MTA3: variants seen among roughly 807,000 people sequenced by gnomAD.
MTA3 encodes the protein metastasis associated 1 family member 3.
In MTA3, 34 loss-of-function variants were observed where a neutral mutation model predicts 83.5. The observed-to-expected ratio is 0.41, with a 90% CI of 0.31 to 0.54. The LOEUF (loss-of-function observed/expected upper bound fraction) is 0.54. Ranked by LOEUF, MTA3 falls within the 20% of genes least tolerant of loss-of-function variation. The pLI, the probability that MTA3 is intolerant of heterozygous loss-of-function variation, is 0.33. For missense variants in MTA3, 761 were observed against 726.4 expected, an observed-to-expected ratio of 1.05 and a Z score of -0.55; for synonymous variants, 303 against 252.7, an observed-to-expected ratio of 1.20 and a Z score of -1.89.
chr2:42,740,450 C>T (rs889290938), intron 16 of MTA3, among the ~76,000 whole-genome samples: 1 of 148,660 alleles, frequency 6.7e-6, no homozygotes, highest in East Asian at 1.9e-4. Context: ...AGGTCGAGGC[C>T]CAGTGAGCCA....
chr2:42,594,728 A>ATATATATATTT lies in MTA3; in HGVS notation c.191-14729_191-14728insATATATATTTT. On this transcript the variant is annotated intron_variant, in intron 3 of 16. Coordinates refer to ENST00000405094, the MANE Select transcript of MTA3 (RefSeq NM_001330442.2). Reference sequence around the variant, plus strand: ...TACATATATATATATATATATATATATTTTTTTTTTTTTTTTGAGACAGAG... The same window carrying ATATATATATTT: ...TACATATATATATATATATATATATATATATATATTTTTTTTTTTTTTTTTTTGAGACAGAG... Among the ~76,000 whole-genome samples the ATATATATATTT allele has an allele frequency of 1.2e-3, 30 of 24,038 alleles. 3 individuals are homozygous for ATATATATATTT. Among genetic ancestry groups the ATATATATATTT allele is most frequent in the East Asian group, 7.1e-3 (6 of 850 alleles). The allele number at this position is 24,038 out of a possible 152,430, so 15.8% of individuals were successfully genotyped here.
At chr2:42,713,270 A>G (rs1336986180) in intron 14 of MTA3, among the ~76,000 whole-genome samples, 1 of 152,150 alleles carries the variant, frequency 6.6e-6, no homozygotes, top group Non-Finnish European at 1.5e-5. Context: ...TGAAGAAGCT[A>G]ATTTGGCTTT....
chr2:42,628,984 G>C (rs1457842695), intron 4 of MTA3, among the ~76,000 whole-genome samples: 1 of 152,142 alleles, frequency 6.6e-6, no homozygotes, highest in Non-Finnish European at 1.5e-5. Context: ...GATTGCCAGA[G>C]TGAATTTATA....
chr2:42,744,173 G>A (rs545111170), intron 16 of MTA3, among the ~76,000 whole-genome samples: 1 of 152,336 alleles, frequency 6.6e-6, no homozygotes, highest in African/African-American at 2.4e-5. Context: ...GCCTATTGAA[G>A]CATTGTCTGA....
intron 8 of MTA3, among the ~76,000 whole-genome samples, chr2:42,660,432 C>A (rs149582591): frequency 3.1e-4 from 47 of 152,314 alleles, no homozygotes; most frequent in African/African-American, 1.1e-3. Flanking sequence ...TAGTTGATAT[C>A]TTTTAAATCT....
At chr2:42,647,907 C>T (rs1255848652) in intron 6 of MTA3, among the ~76,000 whole-genome samples, 1 of 152,144 alleles carries the variant, frequency 6.6e-6, no homozygotes, top group Non-Finnish European at 1.5e-5. Context: ...GGCGTGATCT[C>T]GGCTCATTGC....
At chr2:42,724,386 A>G (rs1389143400) in intron 16 of MTA3, among the ~76,000 whole-genome samples, 1 of 148,230 alleles carries the variant, frequency 6.7e-6, no homozygotes, top group Non-Finnish European at 1.5e-5. Context: ...CCAGTGGCTT[A>G]TGCTTGTAAT....
chr2:42,574,804 C>G (rs1267677052), intron 2 of MTA3, among the ~76,000 whole-genome samples: 1 of 152,140 alleles, frequency 6.6e-6, no homozygotes, highest in Non-Finnish European at 1.5e-5. Flanking sequence ...AAGCAGTCCC[C>G]CATCTTGGTC....
At chr2:42,598,175 T>C (rs1247309821) in intron 3 of MTA3, among the ~76,000 whole-genome samples, 1 of 151,896 alleles carries the variant, frequency 6.6e-6, no homozygotes, top group African/African-American at 2.4e-5. Flanking sequence ...TGGGTTCAAG[T>C]GATTCTCCTG....
chr2:42,671,473 CTTA>C (rs1339461055), intron 8 of MTA3, among the ~76,000 whole-genome samples: 1 of 151,540 alleles, frequency 6.6e-6, no homozygotes, highest in Non-Finnish European at 1.5e-5. Flanking sequence ...TATTTTTACT[CTTA>C]TTTTCTTCTG....
chr2:42,640,438 CTG>C (rs1364960652), intron 5 of MTA3, among the ~76,000 whole-genome samples: 1 of 152,142 alleles, frequency 6.6e-6, no homozygotes, highest in Admixed American at 6.5e-5. Flanking sequence ...AAAACTGTGT[CTG>C]TTTTTCAGTT....
chr2:42,593,975 G>C (rs1350725870), intron 3 of MTA3, among the ~76,000 whole-genome samples: 6 of 119,956 alleles, frequency 5.0e-5, no homozygotes, highest in Admixed American at 2.7e-4. Flanking sequence ...TTTTTTTTGA[G>C]ACGTCTTCTT....
intron 2 of MTA3, among the ~76,000 whole-genome samples, chr2:42,502,692 G>A (rs1374042172): frequency 6.6e-6 from 1 of 151,752 alleles, no homozygotes; most frequent in Non-Finnish European, 1.5e-5. Flanking sequence ...AGTCACTCAG[G>A]AGGCTGAGGC....
chr2:42,513,222 A>G (rs1183028935), intron 2 of MTA3, among the ~76,000 whole-genome samples: 2 of 152,288 alleles, frequency 1.3e-5, no homozygotes, highest in Non-Finnish European at 2.9e-5. Flanking sequence ...TGGATATTAA[A>G]CTATAGTGAT....
Position 42,555,114 on chromosome 2 carries a change from A to T in MTA3, c.-140-15323A>T, listed in dbSNP as rs569647222. 1.1e-4 allele frequency among the ~76,000 whole-genome samples: 17 copies of T among 150,908 alleles called. 1 individual carries two copies. The highest frequency in any genetic ancestry group is 4.1e-4 in the African/African-American group (17 of 41,004). Reference sequence around the variant, plus strand: ...GTTGCAGTGAGCCGGGATCTATGCTACCGCACTCCAGCCTGGGTGACAACT... The same window carrying T: ...GTTGCAGTGAGCCGGGATCTATGCTTCCGCACTCCAGCCTGGGTGACAACT... On this transcript the variant is annotated intron_variant, in intron 2 of 17. Transcript: ENST00000405592.
intron 9 of MTA3, among the ~76,000 whole-genome samples, chr2:42,692,811 T>C (rs1693024111): frequency 6.6e-6 from 1 of 152,226 alleles, no homozygotes; most frequent in South Asian, 2.1e-4. Context: ...CTTTGTTTGG[T>C]GAGGTCATAT....
chr2:42,497,458 C>A (rs1405893670), intron 2 of MTA3, among the ~76,000 whole-genome samples: 1 of 149,004 alleles, frequency 6.7e-6, no homozygotes, highest in Non-Finnish European at 1.5e-5. Context: ...GGTGGTGCGC[C>A]CCTGTAATCC....
intron 8 of MTA3, among the ~76,000 whole-genome samples, chr2:42,680,608 TAGG>T (rs763276949): frequency 5.3e-5 from 8 of 152,208 alleles, no homozygotes; most frequent in Non-Finnish European, 8.8e-5. Flanking sequence ...ATCCGCGACA[TAGG>T]CAGAGATGAT....
intron 6 of MTA3, among the ~76,000 whole-genome samples, chr2:42,645,227 A>T (rs1377990573): frequency 1.4e-5 from 2 of 147,050 alleles, no homozygotes; most frequent in South Asian, 2.1e-4. Context: ...CATGAATGAT[A>T]AAAAAAAGCA....
Sources: gnomAD v4.1 joint callset for allele counts (sites outside exome capture counted in the v4.1 genomes callset) on GRCh38, gnomAD v4.1.1 for gene constraint, MANE v1.5 for transcripts, NCBI Gene and HGNC (gene_info 2026-07-23, HGNC 2026-07-21) for gene names.